The following NDUFA8 variants were observed in gnomAD, a reference collection of about 807,000 sequenced individuals.
NDUFA8 encodes NADH:ubiquinone oxidoreductase subunit A8, also known as NADH dehydrogenase [ubiquinone] 1 alpha subcomplex subunit 8.
A neutral mutation model predicts 20.9 loss-of-function variants in NDUFA8; 16 were observed. The ratio of observed to expected loss-of-function variants is 0.77; its 90% CI spans 0.52 to 1.16. NDUFA8 has a LOEUF of 1.16. Ranked by LOEUF, NDUFA8 falls within the 50% of genes most tolerant of loss-of-function variation. The probability of loss-of-function intolerance (pLI) is 0.00; values close to 1 mark genes in which losing one functional copy is unlikely to be tolerated. For synonymous variants in NDUFA8, 70 were observed against 76.1 expected (o/e 0.92, Z 0.41); for missense variants, 202 against 216.4 (o/e 0.93, Z 0.42).
chr9:122,150,653 T>G (rs1828980695), intron 2 of NDUFA8, among the ~76,000 whole-genome samples: 2 of 151,910 alleles, frequency 1.3e-5, no homozygotes, highest in Non-Finnish European at 2.9e-5. Flanking sequence ...TATCCACTGA[T>G]GGAATAATAT....
intron 3 of NDUFA8, among the ~76,000 whole-genome samples, chr9:122,146,793 G>A (rs1024809978): frequency 6.6e-6 from 1 of 152,248 alleles, no homozygotes; most frequent in Non-Finnish European, 1.5e-5. Context: ...CTACTTGGGA[G>A]GCTGAGGTGG....
At chr9:122,152,201 CT>C (rs1564409700) in intron 2 of NDUFA8, 43 bp downstream of exon 2, 6 of 1,611,030 alleles carry the variant, frequency 3.7e-6, no homozygotes, top group Non-Finnish European at 5.1e-6. Flanking sequence ...TCATTTAAAC[CT>C]TTATGCTTCA....
At chr9:122,137,845 T>C in the NDUFA8 span, among the ~76,000 whole-genome samples, 7 of 152,328 alleles carry the variant, frequency 4.6e-5, no homozygotes, top group African/African-American at 1.7e-4. Context: ...AGAAACTGGC[T>C]GAAAGGGGAA....
At chr9:122,138,867 G>GGGT in the NDUFA8 span, among the ~76,000 whole-genome samples, 19 of 140,678 alleles carry the variant, frequency 1.4e-4, 3 homozygotes, top group South Asian at 1.0e-3. Context: ...AGAAGAGGTG[G>GGGT]GGGGGGGGCC....
At chr9:122,148,364 T>C in intron 2 of NDUFA8, 87 bp from the exon 3 acceptor site, 2 of 1,455,462 alleles carry the variant, frequency 1.4e-6, no homozygotes, top group South Asian at 1.1e-5. Flanking sequence ...AGATCTCAAA[T>C]ACATAGCCTT....
At chr9:122,151,029 A>T (rs12686688) in intron 2 of NDUFA8, among the ~76,000 whole-genome samples, 1 of 149,846 alleles carries the variant, frequency 6.7e-6, no homozygotes. Context: ...AACTTCGAAG[A>T]GTGTTTCCAA....
At chr9:122,145,202 A>G (rs984532878) in intron 3 of NDUFA8, among the ~76,000 whole-genome samples, 2 of 152,230 alleles carry the variant, frequency 1.3e-5, no homozygotes, top group Non-Finnish European at 2.9e-5. Context: ...GGTGCCACTG[A>G]AGCACGGCAG....
At chr9:122,152,974 G>C (rs1484056367) in intron 1 of NDUFA8, among the ~76,000 whole-genome samples, 1 of 152,038 alleles carries the variant, frequency 6.6e-6, no homozygotes, top group African/African-American at 2.4e-5. Context: ...AAAATTAATA[G>C]ATATATAAGG....
the NDUFA8 span, among the ~76,000 whole-genome samples, chr9:122,136,676 C>T: frequency 1.3e-5 from 2 of 152,208 alleles, no homozygotes; most frequent in South Asian, 4.1e-4. Flanking sequence ...CCTGCCTTAG[C>T]CTCCTGAGTA....
rs199624598 is a variant in NDUFA8, at chr9:122,152,331, A to C, written c.129T>G (p.Phe43Leu). Reference protein sequence around the residue: ...GAQCDKPNKEFMLCRWEEKDP... With the variant: ...GAQCDKPNKELMLCRWEEKDP... ...CTTTCTCTTCCCAGCGGCAGAGCAT[A>C]AACTCCTTGTTGGGCTTATCACATT... Residue 43 changes from phenylalanine to leucine, a missense_variant, in exon 2 of 4, where the codon TTT becomes TTG. Coordinates refer to ENST00000373768, the MANE Select transcript of NDUFA8 (RefSeq NM_014222.3). 1 of 1,614,158 alleles carries C rather than the reference A, an allele frequency of 6.2e-7. No homozygotes were observed. The highest frequency in any genetic ancestry group is 2.2e-5 in the East Asian group (1 of 44,880).
intron 3 of NDUFA8, 30 bp from the exon 4 acceptor site, chr9:122,144,408 G>C (rs896481877): frequency 6.2e-7 from 1 of 1,603,008 alleles, no homozygotes; most frequent in Admixed American, 1.7e-5. Context: ...CAAAAGCAAA[G>C]TTGAAAGCTA....
chr9:122,158,113 A>G (rs1829104820), intron 1 of NDUFA8, among the ~76,000 whole-genome samples: 1 of 152,202 alleles, frequency 6.6e-6, no homozygotes, highest in Admixed American at 6.5e-5. Flanking sequence ...ATATCGCGCC[A>G]CTGCACTCCA....
intron 1 of NDUFA8, among the ~76,000 whole-genome samples, chr9:122,158,142 G>A (rs770608301): frequency 6.6e-6 from 1 of 152,138 alleles, no homozygotes; most frequent in Non-Finnish European, 1.5e-5. Flanking sequence ...AACAGAGCGA[G>A]ACTCTCAAAA....
downstream of NDUFA8, among the ~76,000 whole-genome samples, chr9:122,143,089 T>G (rs762544488): frequency 6.6e-6 from 1 of 152,146 alleles, no homozygotes; most frequent in Non-Finnish European, 1.5e-5. Context: ...ACAGTGCTTT[T>G]TCTTTGAACT....
At position 122,148,291 on chromosome 9, in the gene NDUFA8, C is replaced by G; in HGVS notation, c.216-14G>C. On this transcript the variant is annotated splice_polypyrimidine_tract_variant and intron_variant, in intron 2 of 3. Coordinates refer to ENST00000373768, the MANE Select transcript of NDUFA8 (RefSeq NM_014222.3). ...CGTTTTATCTGCCTGGAAAAGAAAG[C>G]TGGGTTAGGGGCATCTCTTTGCAAA... The G allele has an allele frequency of 6.2e-7, 1 of 1,614,010 alleles. No homozygotes were observed.
the NDUFA8 span, among the ~76,000 whole-genome samples, chr9:122,136,601 G>A: frequency 6.6e-6 from 1 of 151,820 alleles, no homozygotes; most frequent in African/African-American, 2.4e-5. Flanking sequence ...CTGTCACCCA[G>A]GCTGGAGCGC....
intron 1 of NDUFA8, among the ~76,000 whole-genome samples, chr9:122,159,050 C>T (rs1006260165): frequency 7.2e-5 from 11 of 152,106 alleles, no homozygotes; most frequent in African/African-American, 2.7e-4. Flanking sequence ...TATATCTCTT[C>T]CAGCGTTATG....
intron 2 of NDUFA8, among the ~76,000 whole-genome samples, chr9:122,151,525 T>C (rs138466183): frequency 0.013 from 1,937 of 151,668 alleles, 50 homozygotes; most frequent in African/African-American, 0.045. Context: ...TGGCCATTTT[T>C]GGTACAGCAA....
chr9:122,159,524 G>C lies in NDUFA8; in HGVS notation c.51+103C>G, dbSNP rs796387006. 4.2e-6 allele frequency: 6 copies of C among 1,423,314 alleles called. No homozygotes were observed. The African/African-American group carries it at 7.0e-5, about 17-fold the overall frequency. 88.2% of individuals were successfully genotyped at this position (1,423,314 alleles called of 1,614,324 possible). A position where few individuals can be genotyped will look rare whatever the true frequency, so the allele number is the denominator to read the frequency against. ...GTATATGCGTTGGAGGACTGGGGAG[G>C]GGGGCCCGGGTCCCAGGATCCGCGG... On this transcript the variant is annotated intron_variant, in intron 1 of 3. Coordinates refer to ENST00000373768, the MANE Select transcript of NDUFA8 (RefSeq NM_014222.3).
Sources: gnomAD v4.1 joint callset for allele counts (sites outside exome capture counted in the v4.1 genomes callset) on GRCh38, gnomAD v4.1.1 for gene constraint, MANE v1.5 for transcripts, NCBI Gene and HGNC (gene_info 2026-07-23, HGNC 2026-07-21) for gene names.